The following RNF180 variants were observed in gnomAD, a reference collection of about 807,000 sequenced individuals.
RNF180 encodes E3 ubiquitin-protein ligase RNF180.
A neutral mutation model predicts 59.2 loss-of-function variants in RNF180; 38 were observed. That is an observed-to-expected ratio of 0.64 (90% confidence interval 0.50 to 0.84). The LOEUF (loss-of-function observed/expected upper bound fraction) is 0.84. RNF180 is among the 40% of genes least tolerant of loss of function. RNF180 has a pLI of 0.00. For missense variants in RNF180, 705 were observed against 700.9 expected (o/e 1.01, Z -0.07); for synonymous variants, 262 against 240.3 (o/e 1.09, Z -0.84).
chr5:64,176,503 A>G (rs1750243983), intron 1 of RNF180, among the ~76,000 whole-genome samples: 1 of 152,122 alleles, frequency 6.6e-6, no homozygotes, highest in Non-Finnish European at 1.5e-5. Flanking sequence ...CATCTTGATG[A>G]CATCACTATT....
chr5:64,290,876 C>T (rs186674903), intron 5 of RNF180, among the ~76,000 whole-genome samples: 50 of 152,138 alleles, frequency 3.3e-4, no homozygotes, highest in African/African-American at 1.0e-3. Flanking sequence ...TCATTTACGT[C>T]TAAAGTTAAT....
chr5:64,346,980 C>A (rs1205778729), intron 7 of RNF180, among the ~76,000 whole-genome samples: 1 of 152,090 alleles, frequency 6.6e-6, no homozygotes, highest in East Asian at 1.9e-4. Context: ...ATGAATTAAT[C>A]AGAAGAAATG....
intron 3 of RNF180, among the ~76,000 whole-genome samples, 186 bp from the exon 4 acceptor site, chr5:64,213,372 G>T (rs543727342): frequency 4.6e-5 from 7 of 152,170 alleles, no homozygotes; most frequent in African/African-American, 1.2e-4. Flanking sequence ...GAACTTTGGC[G>T]CTGCTTATCT....
intron 4 of RNF180, among the ~76,000 whole-genome samples, chr5:64,216,548 T>C (rs999533820): frequency 6.6e-6 from 1 of 152,242 alleles, no homozygotes; most frequent in African/African-American, 2.4e-5. Flanking sequence ...TTGATATATC[T>C]GGATTTCCAA....
intron 5 of RNF180, 82 bp downstream of exon 5, chr5:64,217,478 G>A: frequency 7.6e-7 from 1 of 1,315,128 alleles, no homozygotes; most frequent in Non-Finnish European, 9.7e-7. Flanking sequence ...AAGCAGCAAA[G>A]ACTTCCATTT....
chr5:64,361,725 T>G (rs938107036), intron 7 of RNF180, among the ~76,000 whole-genome samples: 1 of 151,558 alleles, frequency 6.6e-6, no homozygotes, highest in Non-Finnish European at 1.5e-5. Flanking sequence ...AAAGAATAAG[T>G]TATGATTATG....
At chr5:64,322,602 C>CGTGT (rs76117470) in intron 5 of RNF180, among the ~76,000 whole-genome samples, 8,879 of 143,412 alleles carry the variant, frequency 0.062, 314 homozygotes, top group Middle Eastern at 0.066. Flanking sequence ...TATATATATA[C>CGTGT]GTGTGTGTGT....
chr5:64,249,073 G>A (rs1474101526), intron 5 of RNF180, among the ~76,000 whole-genome samples: 3 of 152,260 alleles, frequency 2.0e-5, no homozygotes, highest in Non-Finnish European at 1.5e-5. Flanking sequence ...ATAGACACAG[G>A]CAGGGTAACA....
At chr5:64,209,142 C>G (rs1752177232) in intron 2 of RNF180, among the ~76,000 whole-genome samples, 1 of 151,928 alleles carries the variant, frequency 6.6e-6, no homozygotes, top group Non-Finnish European at 1.5e-5. Context: ...GTGTTCTTAT[C>G]TGTAAGACAG....
chr5:64,253,700 G>A (rs376970282), intron 5 of RNF180, among the ~76,000 whole-genome samples: 1 of 152,020 alleles, frequency 6.6e-6, no homozygotes, highest in South Asian at 2.1e-4. Flanking sequence ...AATATAGTTA[G>A]TACTAGAATA....
At chr5:64,314,402 AC>A (rs893447333) in intron 5 of RNF180, among the ~76,000 whole-genome samples, 1 of 152,120 alleles carries the variant, frequency 6.6e-6, no homozygotes, top group African/African-American at 2.4e-5. Context: ...AATCGTATTT[AC>A]TATTATCATT....
chr5:64,179,112 T>A (rs1321297776), intron 1 of RNF180, among the ~76,000 whole-genome samples: 1 of 152,214 alleles, frequency 6.6e-6, no homozygotes, highest in East Asian at 1.9e-4. Context: ...CTACTTTATG[T>A]GCTCTTCAAA....
chr5:64,209,429 A>G (rs1356336929), intron 2 of RNF180, among the ~76,000 whole-genome samples: 1 of 152,054 alleles, frequency 6.6e-6, no homozygotes, highest in African/African-American at 2.4e-5. Context: ...GAAGTAGGAC[A>G]GTGAAATATT....
chr5:64,256,917 C>T lies in RNF180; in HGVS notation c.1227+39521C>T, dbSNP rs537877582. Among the ~76,000 whole-genome samples the T allele has an allele frequency of 5.9e-5, 9 of 152,302 alleles. No homozygotes were observed. The South Asian group carries it at 6.2e-4, about 11-fold the overall frequency. On this transcript the variant is annotated intron_variant, in intron 5 of 7. Transcript: ENST00000389100. ...TAGTTCTTCTTGAAGAGGTCCTTCACGTCCCTTGTAAGTTGGATTCCTAGG... is the reference window on the plus strand; with the variant it reads ...TAGTTCTTCTTGAAGAGGTCCTTCATGTCCCTTGTAAGTTGGATTCCTAGG...
chr5:64,346,075 AG>A (rs1473779936), intron 7 of RNF180, among the ~76,000 whole-genome samples: 1 of 152,122 alleles, frequency 6.6e-6, no homozygotes, highest in Non-Finnish European at 1.5e-5. Flanking sequence ...ACTAATAAAG[AG>A]GTAAAGAACT....
chr5:64,368,235 ATATTCTTCTT>A (rs1746524610), intron 7 of RNF180, among the ~76,000 whole-genome samples: 1 of 151,744 alleles, frequency 6.6e-6, no homozygotes, highest in Non-Finnish European at 1.5e-5. Flanking sequence ...CTAAAATAAG[ATATTCTTCTT>A]AGAACTTTGC....
chr5:64,223,250 A>G (rs1289381327), intron 5 of RNF180, among the ~76,000 whole-genome samples: 1 of 152,046 alleles, frequency 6.6e-6, no homozygotes, highest in East Asian at 1.9e-4. Flanking sequence ...CTTTCATCAC[A>G]TCTTCTTTCT....
At chr5:64,250,781 T>G (rs533327577) in intron 5 of RNF180, among the ~76,000 whole-genome samples, 1 of 152,252 alleles carries the variant, frequency 6.6e-6, no homozygotes, top group South Asian at 2.1e-4. Context: ...AAATATTTAA[T>G]GAAGGACTAA....
chr5:64,195,891 T>C (rs1336122491), intron 1 of RNF180, among the ~76,000 whole-genome samples: 1 of 152,200 alleles, frequency 6.6e-6, no homozygotes, highest in African/African-American at 2.4e-5. Flanking sequence ...ATTGGCACCA[T>C]TAAGACATGC....
Sources: gnomAD v4.1 joint callset for allele counts (sites outside exome capture counted in the v4.1 genomes callset) on GRCh38, gnomAD v4.1.1 for gene constraint, MANE v1.5 for transcripts, NCBI Gene and HGNC (gene_info 2026-07-23, HGNC 2026-07-21) for gene names.